Variants in GALNT14 observed in about 807,000 individuals in gnomAD.
The protein encoded by GALNT14 is polypeptide N-acetylgalactosaminyltransferase 14.
Under a neutral mutation model 77.5 loss-of-function variants are expected in GALNT14, and 60 were observed. The ratio of observed to expected loss-of-function variants is 0.77; its 90% CI spans 0.63 to 0.96. The LOEUF (loss-of-function observed/expected upper bound fraction) is 0.96, where lower values mean the gene tolerates loss of function less well. GALNT14 is among the 40% of genes least tolerant of loss of function. GALNT14 has a pLI of 0.00. For synonymous variants in GALNT14, 280 were observed against 281.7 expected (o/e 0.99, Z 0.06); for missense variants, 710 against 731.0 (o/e 0.97, Z 0.33).
Position 30,929,318 on chromosome 2 carries a change from C to T in GALNT14, c.1151+77G>A, listed in dbSNP as rs571463900. On this transcript the variant is annotated intron_variant, in intron 11 of 14. Transcript: ENST00000349752. ...AGGGTAGCTAAGCTGACTGGCCTAT[C>T]GGCACCCATTTGCATCGGTCCTAGG... 5,789 of 1,113,718 alleles carry T rather than the reference C, an allele frequency of 5.2e-3. 20 individuals are homozygous for T. Among genetic ancestry groups the T allele is most frequent in the Non-Finnish European group, 7.0e-3 (5,185 of 743,074 alleles). The allele number at this position is 1,113,718 out of a possible 1,614,324, so 69.0% of individuals were successfully genotyped here. A position where few individuals can be genotyped will look rare whatever the true frequency, so the allele number is the denominator to read the frequency against.
At chr2:30,925,607 G>T (rs1423841292) in intron 11 of GALNT14, among the ~76,000 whole-genome samples, 4 of 152,194 alleles carry the variant, frequency 2.6e-5, no homozygotes, top group Admixed American at 6.5e-5. Flanking sequence ...GAAGCTCTGC[G>T]GGCAGGAAGA....
At chr2:31,133,763 A>C (rs1679095002) in intron 1 of GALNT14, among the ~76,000 whole-genome samples, 2 of 152,268 alleles carry the variant, frequency 1.3e-5, no homozygotes. Flanking sequence ...TAAGTGGCAT[A>C]GTATTTACCA....
the GALNT14 span, among the ~76,000 whole-genome samples, chr2:30,895,346 T>C: frequency 2.5e-5 from 1 of 39,350 alleles, no homozygotes; most frequent in African/African-American, 1.1e-4. Flanking sequence ...GAGAGTCCCC[T>C]GGGAACACAG....
intron 1 of GALNT14, among the ~76,000 whole-genome samples, chr2:31,042,947 C>G (rs1673190936): frequency 6.6e-6 from 1 of 152,152 alleles, no homozygotes; most frequent in Admixed American, 6.5e-5. Flanking sequence ...CTCCCCATTT[C>G]CTTCTGAACC....
intron 2 of GALNT14, among the ~76,000 whole-genome samples, chr2:30,986,632 C>CA (rs1177819468): frequency 2.6e-5 from 4 of 152,076 alleles, no homozygotes; most frequent in Non-Finnish European, 5.9e-5. Context: ...AAGGTAATGG[C>CA]AAAAAACGCA....
chr2:31,098,527 C>T (rs1677105415), intron 1 of GALNT14, among the ~76,000 whole-genome samples: 1 of 152,132 alleles, frequency 6.6e-6, no homozygotes, highest in Non-Finnish European at 1.5e-5. Context: ...TTGCCCATCC[C>T]CAGTTCATGT....
At chr2:30,947,250 T>G (rs1666753150) in intron 6 of GALNT14, among the ~76,000 whole-genome samples, 2 of 152,166 alleles carry the variant, frequency 1.3e-5, no homozygotes, top group South Asian at 2.1e-4. Context: ...ACTCTGCCAC[T>G]CAGCTGCTAA....
chr2:31,101,338 G>A (rs1311750710), intron 1 of GALNT14, among the ~76,000 whole-genome samples: 1 of 151,970 alleles, frequency 6.6e-6, no homozygotes, highest in Non-Finnish European at 1.5e-5. Flanking sequence ...TCATAAGTGG[G>A]ATTAGTCTTT....
chr2:31,110,952 T>G lies in GALNT14; in HGVS notation c.129+27006A>C, dbSNP rs73921484. On this transcript the variant is annotated intron_variant, in intron 1 of 14. Coordinates refer to ENST00000349752, the MANE Select transcript of GALNT14 (RefSeq NM_024572.4). ...CTCTAACTCCAAATCTCTGAATGAT[T>G]TGGGAGTCAAGTATTCTGGTCTTCC... 9.4e-3 allele frequency among the ~76,000 whole-genome samples: 1,432 copies of G among 152,260 alleles called. 20 individuals carry two copies. Among genetic ancestry groups the G allele is most frequent in the African/African-American group, 0.032 (1,350 of 41,546 alleles).
At chr2:31,079,731 G>C (rs996871079) in intron 1 of GALNT14, among the ~76,000 whole-genome samples, 3 of 152,188 alleles carry the variant, frequency 2.0e-5, no homozygotes, top group East Asian at 3.9e-4. Flanking sequence ...ACAACACAAA[G>C]TGGTGGTATC....
intron 13 of GALNT14, among the ~76,000 whole-genome samples, chr2:30,914,449 C>T (rs1664553472): frequency 6.6e-6 from 1 of 152,188 alleles, no homozygotes; most frequent in Non-Finnish European, 1.5e-5. Context: ...GATTCTTCTT[C>T]TTGGCCAGTT....
intron 1 of GALNT14, among the ~76,000 whole-genome samples, chr2:31,107,775 T>C (rs1430647082): frequency 6.6e-6 from 1 of 152,156 alleles, no homozygotes; most frequent in Non-Finnish European, 1.5e-5. Context: ...CCAAGTCTGT[T>C]TGCCATTATG....
intron 1 of GALNT14, among the ~76,000 whole-genome samples, chr2:31,023,072 T>A (rs1671821599): frequency 6.6e-6 from 1 of 151,916 alleles, no homozygotes; most frequent in African/African-American, 2.4e-5. Flanking sequence ...GAAGAAGGGG[T>A]AACATTTTGA....
At chr2:31,126,691 A>G (rs1019852153) in intron 1 of GALNT14, 6 of 152,160 alleles carry the variant, frequency 3.9e-5, no homozygotes, top group African/African-American at 1.2e-4. Flanking sequence ...CCTCTTACCT[A>G]TAACTCTAGG....
At chr2:31,067,726 G>T (rs113756424) in intron 1 of GALNT14, among the ~76,000 whole-genome samples, 1 of 152,154 alleles carries the variant, frequency 6.6e-6, no homozygotes, top group Admixed American at 6.5e-5. Context: ...ACAGCGCTCT[G>T]CTTCTACCAC....
the GALNT14 span, among the ~76,000 whole-genome samples, chr2:30,890,812 G>T: frequency 6.6e-6 from 1 of 152,020 alleles, no homozygotes. Context: ...GAGGCATCAG[G>T]ATACACAGGA....
In GALNT14 at chr2:31,038,508, C is replaced by T. The variant is rs142540028; in HGVS notation, c.130-45501G>A. Reference sequence around the variant, plus strand: ...AGAATGGTGCATCTCCAGGGAGTTGCCAGACAGGCCATATAGTAATAACTC... The same window carrying T: ...AGAATGGTGCATCTCCAGGGAGTTGTCAGACAGGCCATATAGTAATAACTC... On this transcript the variant is annotated intron_variant, in intron 1 of 14. Transcript: ENST00000349752. 2.9e-3 allele frequency among the ~76,000 whole-genome samples: 448 copies of T among 152,104 alleles called. 2 individuals are homozygous for T. The highest frequency in any genetic ancestry group is 0.01 in the African/African-American group (421 of 41,486).
At chr2:30,982,305 G>A (rs1472416977) in intron 2 of GALNT14, among the ~76,000 whole-genome samples, 1 of 152,168 alleles carries the variant, frequency 6.6e-6, no homozygotes, top group South Asian at 2.1e-4. Flanking sequence ...ATCTACAGAA[G>A]CTTCTAGGGG....
rs549949976 is a variant in GALNT14 at position 30,930,048 on chromosome 2, T to A, written c.1059-561A>T. Among the ~76,000 whole-genome samples the A allele has an allele frequency of 3.9e-5, 6 of 152,284 alleles. No individual in the cohort carries two copies. The South Asian group carries it at 1.2e-3, about 32-fold the overall frequency. The stretch of plus-strand genomic sequence containing the variant: ...TTTGGAGCATTTTGGATTTTAGATT[T>A]TTGGATTAGGGATGCTCACCTTTAG... On this transcript the variant is annotated intron_variant, in intron 10 of 14. Transcript: ENST00000349752.
Sources: allele counts gnomAD v4.1 joint callset (sites outside exome capture counted in the v4.1 genomes callset), GRCh38; gene constraint gnomAD v4.1.1; transcripts MANE v1.5; gene names NCBI Gene and HGNC (gene_info 2026-07-23, HGNC 2026-07-21).